Variants in CRACD observed in about 807,000 individuals in gnomAD.
CRACD encodes capping protein inhibiting regulator of actin dynamics, also known as capping protein-inhibiting regulator of actin dynamics.
A neutral mutation model predicts 106.8 loss-of-function variants in CRACD; 56 were observed. The observed-to-expected ratio is 0.52, with a 90% CI of 0.42 to 0.66. The LOEUF is 0.66. Ranked by LOEUF, CRACD falls within the 30% of genes least tolerant of loss-of-function variation. The pLI, the probability that CRACD is intolerant of heterozygous loss-of-function variation, is 0.00. For synonymous variants in CRACD, 754 were observed against 670.8 expected (o/e 1.12, Z -1.92); for missense variants, 1,730 against 1,623.2 (o/e 1.07, Z -1.13).
chr4:56,284,200 T>C (rs1409434001), intron 3 of CRACD, among the ~76,000 whole-genome samples: 1 of 143,964 alleles, frequency 6.9e-6, no homozygotes, highest in African/African-American at 2.6e-5. Context: ...ATACCTGTAA[T>C]ACCAGCACTT....
chr4:56,134,212 A>G (rs1369201039), intron 1 of CRACD, among the ~76,000 whole-genome samples: 1 of 152,120 alleles, frequency 6.6e-6, no homozygotes, highest in Non-Finnish European at 1.5e-5. Context: ...AAAGAAAAAA[A>G]AAAAGAAATC....
rs1269885876 is a variant in CRACD at position 56,328,372 on chromosome 4, A to C, written c.*568A>C. 3.9e-6 allele frequency: 2 copies of C among 518,800 alleles called. No individual in the cohort carries two copies. Among genetic ancestry groups the C allele is most frequent in the Non-Finnish European group, 7.7e-6 (2 of 259,844 alleles). 32.1% of individuals were successfully genotyped at this position (518,800 alleles called of 1,614,324 possible). A position where few individuals can be genotyped will look rare whatever the true frequency, so the allele number is the denominator to read the frequency against. On this transcript the variant is annotated 3_prime_UTR_variant, in exon 11 of 11. Transcript: ENST00000682029. The stretch of plus-strand genomic sequence containing the variant: ...AACTGTGCCCATCTTAGTTTTCATG[A>C]GTTTTCCCCACTCTGAAGCTGTAAC...
chr4:56,314,302 AGGAGCTCTT>A lies in CRACD; in HGVS notation c.805_813del (p.Leu269_Glu271del). 1.9e-6 allele frequency: 3 copies of A among 1,554,528 alleles called. No homozygotes were observed. Among genetic ancestry groups the A allele is most frequent in the Non-Finnish European group, 2.6e-6 (3 of 1,148,566 alleles). On this transcript the variant is annotated inframe_deletion, in exon 8 of 11. Transcript: ENST00000682029. This position sits in a 1 kb window ranked among gnomAD's most constrained non-coding sequence, Gnocchi z 4.4. ...AGGCTTTGGGAAGAGAACAGAAGGC[AGGAGCTCTT>A]GGAGGAGGAGGGCGAGGGGCAGGAG... is the stretch of plus-strand genomic sequence containing the variant.
At chr4:56,112,552 C>A (rs896135615) in intron 1 of CRACD, among the ~76,000 whole-genome samples, 3 of 152,134 alleles carry the variant, frequency 2.0e-5, no homozygotes, top group African/African-American at 7.2e-5. Flanking sequence ...CCAGACCCCT[C>A]AGGAAGGAAT....
At chr4:56,293,935 GTGTT>G in intron 3 of CRACD, among the ~76,000 whole-genome samples, 1 of 4,846 alleles carries the variant, frequency 2.1e-4, no homozygotes, top group South Asian at 0.016. Context: ...TATGCTTCAG[GTGTT>G]CAGGTGTTCA....
chr4:56,137,383 T>C (rs1216184949), intron 1 of CRACD, among the ~76,000 whole-genome samples: 3 of 152,260 alleles, frequency 2.0e-5, no homozygotes, highest in East Asian at 3.9e-4. Flanking sequence ...CTCATGAGTA[T>C]AAATGTATAA....
At chr4:56,309,079 T>C in intron 5 of CRACD, 1 of 454,276 alleles carries the variant, frequency 2.2e-6, no homozygotes, top group East Asian at 7.0e-5. Flanking sequence ...AAATGCTGGC[T>C]GCACAGAAAA....
intron 8 of CRACD, among the ~76,000 whole-genome samples, chr4:56,320,304 C>T (rs981502359): frequency 2.0e-5 from 3 of 152,152 alleles, no homozygotes; most frequent in African/African-American, 4.8e-5. Context: ...CTCATCTCCT[C>T]AGAACTTGAG....
intron 2 of CRACD, among the ~76,000 whole-genome samples, chr4:56,246,284 C>T (rs1260661272): frequency 6.6e-6 from 1 of 152,164 alleles, no homozygotes; most frequent in Non-Finnish European, 1.5e-5. Context: ...TAATTGATAT[C>T]TCCTAGTGAA....
intron 2 of CRACD, among the ~76,000 whole-genome samples, chr4:56,211,248 AG>A (rs1296989019): frequency 6.6e-6 from 1 of 152,186 alleles, no homozygotes; most frequent in Admixed American, 6.5e-5. Context: ...CATCTTGAAT[AG>A]GGGCTGAGTA....
At chr4:56,131,330 A>G (rs897701592) in intron 1 of CRACD, among the ~76,000 whole-genome samples, 1 of 152,226 alleles carries the variant, frequency 6.6e-6, no homozygotes, top group African/African-American at 2.4e-5. Context: ...AATGTGCCAC[A>G]GAATGCCACA....
At chr4:56,306,420 G>C (rs7693930) in intron 4 of CRACD, among the ~76,000 whole-genome samples, 81,978 of 151,870 alleles carry the variant, frequency 0.54, 23,173 homozygotes, top group African/African-American at 0.73. Context: ...CCTGAGCATG[G>C]GAGAATCATC....
chr4:56,202,466 C>G (rs1056619941), intron 2 of CRACD, among the ~76,000 whole-genome samples: 1 of 152,134 alleles, frequency 6.6e-6, no homozygotes, highest in Non-Finnish European at 1.5e-5. Context: ...AGGCTGGTCT[C>G]GAACACCTCA....
intron 1 of CRACD, among the ~76,000 whole-genome samples, chr4:56,064,197 T>G (rs911842629): frequency 6.6e-6 from 1 of 152,238 alleles, no homozygotes; most frequent in Non-Finnish European, 1.5e-5. Flanking sequence ...TGGGGTTGTT[T>G]ATTTGTTGTC....
At chr4:56,291,393 T>C (rs545177895) in intron 3 of CRACD, among the ~76,000 whole-genome samples, 1 of 152,282 alleles carries the variant, frequency 6.6e-6, no homozygotes, top group South Asian at 2.1e-4. Context: ...ACTTCCCAGA[T>C]GGTTAAGGAC....
chr4:56,088,547 G>T (rs1733310269), intron 1 of CRACD, among the ~76,000 whole-genome samples: 1 of 151,970 alleles, frequency 6.6e-6, no homozygotes, highest in South Asian at 2.1e-4. Flanking sequence ...AAATTATCTG[G>T]TTTCTCAGGC....
chr4:56,139,505 T>G (rs1293097363), intron 1 of CRACD, among the ~76,000 whole-genome samples: 1 of 152,210 alleles, frequency 6.6e-6, no homozygotes, highest in African/African-American at 2.4e-5. Flanking sequence ...CTTAGAGTGG[T>G]TCTTCTGTTT....
chr4:56,267,643 G>T (rs190378319), intron 2 of CRACD, among the ~76,000 whole-genome samples: 1 of 152,244 alleles, frequency 6.6e-6, no homozygotes, highest in East Asian at 1.9e-4. Flanking sequence ...AGAAGAATTG[G>T]TTGTTGGGTG....
intron 1 of CRACD, among the ~76,000 whole-genome samples, chr4:56,050,403 T>C (rs1278827834): frequency 1.3e-5 from 2 of 151,884 alleles, no homozygotes; most frequent in South Asian, 2.1e-4. Flanking sequence ...TTAGTAAATA[T>C]CCTGTGGCAA....
Sources: allele counts gnomAD v4.1 joint callset (sites outside exome capture counted in the v4.1 genomes callset), GRCh38; gene constraint gnomAD v4.1.1; non-coding constraint Gnocchi (gnomAD v3.1); transcripts MANE v1.5; gene names NCBI Gene and HGNC (gene_info 2026-07-23, HGNC 2026-07-21).